MTR: variants seen among roughly 807,000 people sequenced by gnomAD.
MTR encodes the protein methionine synthase.
A neutral mutation model predicts 154.8 loss-of-function variants in MTR; 84 were observed. The ratio of observed to expected loss-of-function variants is 0.54; its 90% confidence interval spans 0.45 to 0.65. MTR has a LOEUF of 0.65. Among genes scored for constraint, MTR ranks in the 30% least tolerant of loss-of-function variants. The pLI is 0.00. For synonymous variants in MTR, 554 were observed against 553.9 expected, an observed-to-expected ratio of 1.00 and a Z score of 0.00; for missense variants, 1,275 against 1,570.2, an observed-to-expected ratio of 0.81 and a Z score of 3.18.
chr1:236,880,483 G>C (rs1163591601), intron 24 of MTR, among the ~76,000 whole-genome samples: 1 of 152,194 alleles, frequency 6.6e-6, no homozygotes, highest in Admixed American at 6.5e-5. Context: ...TGAGCACCAG[G>C]TCATGCACGG....
rs41305572 is a variant in MTR, at chr1:236,795,553, C to T, written c.-151C>T. On this transcript the variant is annotated 5_prime_UTR_variant, in exon 1 of 33. Transcript: ENST00000366577. ...CGGGCTTTCGGGGTCCGCAGTCCCC[C>T]CGCGACGCGAGCCAACGGGAGGCGT... 17,855 of 1,543,408 alleles carry T rather than the reference C, an allele frequency of 0.012. 145 individuals carry two copies. Among genetic ancestry groups the T allele is most frequent in the Non-Finnish European group, 0.013 (15,470 of 1,149,690 alleles).
intron 12 of MTR, among the ~76,000 whole-genome samples, chr1:236,830,163 A>G (rs767881012): frequency 4.6e-5 from 7 of 152,184 alleles, no homozygotes; most frequent in Non-Finnish European, 8.8e-5. Flanking sequence ...ACACATACGA[A>G]CTATATTCAG....
intron 8 of MTR, among the ~76,000 whole-genome samples, chr1:236,822,333 A>T (rs1413535197): frequency 1.6e-5 from 2 of 122,038 alleles, no homozygotes; most frequent in African/African-American, 2.9e-5. Flanking sequence ...TTTTTGAGAC[A>T]GCATCTTGCT....
At chr1:236,839,580 T>C (rs1459136462) in intron 15 of MTR, among the ~76,000 whole-genome samples, 12 of 152,338 alleles carry the variant, frequency 7.9e-5, no homozygotes, top group Non-Finnish European at 1.5e-5. Context: ...GCTTCAAATA[T>C]AATGATCGTT....
At chr1:236,860,889 C>T in intron 19 of MTR, among the ~76,000 whole-genome samples, 1 of 152,076 alleles carries the variant, frequency 6.6e-6, no homozygotes, top group East Asian at 1.9e-4. Context: ...AGCACTTTAT[C>T]TCAATCCTCA....
In MTR at chr1:236,900,964, G is replaced by A. The variant is rs886046242; in HGVS notation, c.*3320G>A. On this transcript the variant is annotated 3_prime_UTR_variant, in exon 33 of 33. Coordinates refer to ENST00000366577, the MANE Select transcript of MTR (RefSeq NM_000254.3). The stretch of plus-strand genomic sequence containing the variant: ...CTAGACTTTGGAATTTAAAAAGAAT[G>A]TCTGGAGTTAGAATTGAGAGACTTG... 6 of 152,902 alleles carry A rather than the reference G, an allele frequency of 3.9e-5. No homozygotes were observed. Among genetic ancestry groups the A allele is most frequent in the Admixed American group, 3.3e-4 (5 of 15,282 alleles). The allele number at this position is 152,902 out of a possible 1,614,324, so 9.5% of individuals were successfully genotyped here.
chr1:236,825,938 GACTT>G (rs1662263804), intron 10 of MTR, among the ~76,000 whole-genome samples: 1 of 152,054 alleles, frequency 6.6e-6, no homozygotes, highest in Admixed American at 6.5e-5. Context: ...GGCTATTTCT[GACTT>G]ACTTCTTATG....
chr1:236,880,737 T>C lies in MTR; in HGVS notation c.2595-18T>C, dbSNP rs774843461. 2 of 1,607,796 alleles carry C rather than the reference T, an allele frequency of 1.2e-6. No individual in the cohort carries two copies. The highest frequency in any genetic ancestry group is 1.1e-5 in the South Asian group (1 of 90,960). The stretch of plus-strand genomic sequence containing the variant: ...TCAGTGCTGATGGATATATTTTCTT[T>C]CTGACCCTTCTTTTTAGAACCCACA... On this transcript the variant is annotated intron_variant, in intron 24 of 32. Coordinates refer to ENST00000366577, the MANE Select transcript of MTR (RefSeq NM_000254.3).
chr1:236,873,888 A>G, intron 23 of MTR, 48 bp downstream of exon 23: 1 of 1,544,226 alleles, frequency 6.5e-7, no homozygotes, highest in Middle Eastern at 1.7e-4. Flanking sequence ...TCATATCCCC[A>G]GGTGTCTGTC....
At chr1:236,827,014 T>G (rs1365862255) in intron 11 of MTR, 118 bp downstream of exon 11, 2 of 895,198 alleles carry the variant, frequency 2.2e-6, no homozygotes, top group African/African-American at 3.3e-5. Context: ...ATGTTGAAGT[T>G]CTAACCCCTA....
chr1:236,888,076 A>G (rs1348293031), intron 27 of MTR, among the ~76,000 whole-genome samples: 1 of 152,242 alleles, frequency 6.6e-6, no homozygotes, highest in Non-Finnish European at 1.5e-5. Flanking sequence ...GCTACCGTGA[A>G]CAAGTATGAA....
chr1:236,897,310 G>GCGCGCGCGCGCGCGCGCGCACACA, intron 32 of MTR, among the ~76,000 whole-genome samples, 192 bp downstream of exon 32: 27 of 128,678 alleles, frequency 2.1e-4, no homozygotes, highest in Non-Finnish European at 3.8e-4. Context: ...CCACACACAC[G>GCGCGCGCGCGCGCGCGCGCACACA]CACACACACA....
Position 236,898,026 on chromosome 1 carries a change from C to A in MTR, c.*382C>A, listed in dbSNP as rs374874320. 19 of 251,122 alleles carry A rather than the reference C, an allele frequency of 7.6e-5. No homozygotes were observed. The South Asian group carries it at 9.3e-4, about 12-fold the overall frequency. 15.6% of individuals were successfully genotyped at this position (251,122 alleles called of 1,614,324 possible). A position where few individuals can be genotyped will look rare whatever the true frequency, so the allele number is the denominator to read the frequency against. On this transcript the variant is annotated 3_prime_UTR_variant, in exon 33 of 33. Coordinates refer to ENST00000366577, the MANE Select transcript of MTR (RefSeq NM_000254.3). ...TCTTTTTTTCCTCTTAGAAGAAAAGCCTGAAACTGAGTTGAATAGAGAAGT... is the reference window on the plus strand; with the variant it reads ...TCTTTTTTTCCTCTTAGAAGAAAAGACTGAAACTGAGTTGAATAGAGAAGT...
At chr1:236,858,609 A>ACCAGAAT (rs1321144730) in intron 18 of MTR, among the ~76,000 whole-genome samples, 2 of 152,232 alleles carry the variant, frequency 1.3e-5, no homozygotes, top group Non-Finnish European at 2.9e-5. Context: ...AGTGTGGAAG[A>ACCAGAAT]TGAATCAGAG....
intron 18 of MTR, among the ~76,000 whole-genome samples, chr1:236,858,999 A>C (rs915500688): frequency 6.6e-6 from 1 of 152,204 alleles, no homozygotes; most frequent in African/African-American, 2.4e-5. Context: ...TCAGCCCTTG[A>C]CATATACTCC....
chr1:236,893,934 C>T (rs1006281817), intron 29 of MTR, among the ~76,000 whole-genome samples: 1 of 152,006 alleles, frequency 6.6e-6, no homozygotes, highest in African/African-American at 2.4e-5. Flanking sequence ...AGAGTGGAGG[C>T]GCTTCCATTT....
At chr1:236,897,310 G>GCGCGCGCGCGCGCACACACA in intron 32 of MTR, among the ~76,000 whole-genome samples, 192 bp downstream of exon 32, 203 of 128,678 alleles carry the variant, frequency 1.6e-3, no homozygotes, top group Middle Eastern at 4.0e-3. Flanking sequence ...CCACACACAC[G>GCGCGCGCGCGCGCACACACA]CACACACACA....
At chr1:236,833,626 ACT>A (rs920593814) in intron 13 of MTR, among the ~76,000 whole-genome samples, 1 of 151,996 alleles carries the variant, frequency 6.6e-6, no homozygotes, top group African/African-American at 2.4e-5. Flanking sequence ...GGGACAGGTG[ACT>A]CTTCATTAGA....
At chr1:236,857,107 C>T (rs1664254670) in intron 18 of MTR, among the ~76,000 whole-genome samples, 3 of 152,350 alleles carry the variant, frequency 2.0e-5, no homozygotes, top group Non-Finnish European at 4.4e-5. Flanking sequence ...AATCGCTGCA[C>T]TGCCTTCCAC....
Sources: allele counts gnomAD v4.1 joint callset (sites outside exome capture counted in the v4.1 genomes callset), GRCh38; gene constraint gnomAD v4.1.1; transcripts MANE v1.5; gene names NCBI Gene and HGNC (gene_info 2026-07-23, HGNC 2026-07-21).